Variants in COL19A1 observed in about 807,000 individuals in gnomAD.
COL19A1 encodes collagen type XIX alpha 1 chain.
Under a neutral mutation model 190.2 loss-of-function variants are expected in COL19A1, and 159 were observed. That is an observed-to-expected ratio of 0.84 (90% CI 0.73 to 0.95). The LOEUF (loss-of-function observed/expected upper bound fraction) is 0.95. Among genes scored for constraint, COL19A1 ranks in the 40% least tolerant of loss-of-function variants. COL19A1 has a pLI of 0.00. For missense variants in COL19A1, 1,418 were observed against 1,431.9 expected, an observed-to-expected ratio of 0.99 and a Z score of 0.16; for synonymous variants, 509 against 458.9, an observed-to-expected ratio of 1.11 and a Z score of -1.39.
intron 41 of COL19A1, among the ~76,000 whole-genome samples, chr6:70,175,288 C>A (rs1583090420): frequency 6.6e-6 from 1 of 152,070 alleles, no homozygotes; most frequent in Non-Finnish European, 1.5e-5. Flanking sequence ...GTAAATATAA[C>A]CTTAATGTAG....
At chr6:70,077,604 G>A (rs541517647) in intron 15 of COL19A1, among the ~76,000 whole-genome samples, 36 of 152,146 alleles carry the variant, frequency 2.4e-4, no homozygotes, top group Admixed American at 1.4e-3. Context: ...AGTATACAAC[G>A]TATGTTGTGA....
chr6:70,109,377 A>G (rs1021374562), intron 16 of COL19A1, among the ~76,000 whole-genome samples: 1 of 152,132 alleles, frequency 6.6e-6, no homozygotes, highest in Non-Finnish European at 1.5e-5. Context: ...AGCTTGATGT[A>G]TTCAATAAAC....
rs756979490 is a variant in COL19A1, at chr6:70,055,317, CAA to C, written c.1171-13104_1171-13103del. ...TGGAGGGCAATTTGATACTGTCTGTCAAAGTTTCACTCTAGGCTCATTCATTT... is the reference window on the plus strand; with the variant it reads ...TGGAGGGCAATTTGATACTGTCTGTCAGTTTCACTCTAGGCTCATTCATTT... On this transcript the variant is annotated intron_variant, in intron 14 of 50. Transcript: ENST00000620364. 1.5e-4 allele frequency among the ~76,000 whole-genome samples: 23 copies of C among 151,684 alleles called. No homozygotes were observed. In the East Asian group the frequency reaches 3.7e-3, roughly 24 times the overall value.
At chr6:70,040,668 A>G (rs183140339) in intron 14 of COL19A1, among the ~76,000 whole-genome samples, 54 of 152,322 alleles carry the variant, frequency 3.5e-4, no homozygotes, top group African/African-American at 1.2e-3. Context: ...AAAATACTCC[A>G]ATGTGACTGC....
intron 1 of COL19A1, among the ~76,000 whole-genome samples, chr6:69,877,457 G>C (rs1048350968): frequency 1.3e-5 from 2 of 152,032 alleles, no homozygotes; most frequent in Non-Finnish European, 2.9e-5. Flanking sequence ...TGAGGTAGGC[G>C]TTGCACGTAT....
intron 4 of COL19A1, among the ~76,000 whole-genome samples, chr6:69,924,530 CTT>C (rs1772224316): frequency 6.6e-6 from 1 of 152,144 alleles, no homozygotes; most frequent in Non-Finnish European, 1.5e-5. Context: ...GGTTCCAAGT[CTT>C]TGCTATTGTG....
At chr6:69,921,670 A>G (rs926771913) in intron 4 of COL19A1, among the ~76,000 whole-genome samples, 3 of 147,606 alleles carry the variant, frequency 2.0e-5, no homozygotes, top group Non-Finnish European at 3.0e-5. Flanking sequence ...ATTCGTATGT[A>G]GATTCGTATA....
chr6:70,190,438 C>G, intron 48 of COL19A1, 57 bp downstream of exon 48: 1 of 1,140,346 alleles, frequency 8.8e-7, no homozygotes, highest in Admixed American at 1.9e-5. Flanking sequence ...CTCCCACCTA[C>G]TATGGGGAAT....
At chr6:69,897,288 G>A (rs1209711044) in intron 2 of COL19A1, among the ~76,000 whole-genome samples, 2 of 152,078 alleles carry the variant, frequency 1.3e-5, no homozygotes, top group African/African-American at 2.4e-5. Flanking sequence ...GAGACCATAC[G>A]TTTTGGGTTA....
At chr6:70,190,467 G>A (rs1025941906) in intron 48 of COL19A1, 86 bp downstream of exon 48, 10 of 873,956 alleles carry the variant, frequency 1.1e-5, no homozygotes, top group African/African-American at 1.7e-5. Flanking sequence ...CAACATTCTC[G>A]AAAGATGGCC....
Position 69,900,230 on chromosome 6 carries a change from AT to A in COL19A1, c.167-5del. 6.5e-7 allele frequency: 1 copy of A among 1,528,856 alleles called. No homozygotes were observed. The allele number at this position is 1,528,856 out of a possible 1,614,324, so 94.7% of individuals were successfully genotyped here. On this transcript the variant is annotated splice_region_variant and splice_polypyrimidine_tract_variant and intron_variant, in intron 3 of 50. Transcript: ENST00000620364. Reference sequence around the variant, plus strand: ...TTTATTAAATTGAATCATCTGTTACATTTTACAGGTTTTGATCTAGGAGACA... The same window carrying A: ...TTTATTAAATTGAATCATCTGTTACATTTACAGGTTTTGATCTAGGAGACA...
At chr6:69,920,555 C>G (rs1471219105) in intron 4 of COL19A1, among the ~76,000 whole-genome samples, 1 of 152,096 alleles carries the variant, frequency 6.6e-6, no homozygotes, top group Admixed American at 6.6e-5. Flanking sequence ...AGCAATTTTC[C>G]CTTGACATGC....
chr6:70,171,258 CACCCCTTCCCTAATGCT>C (rs1393306751), intron 40 of COL19A1, among the ~76,000 whole-genome samples: 2 of 152,172 alleles, frequency 1.3e-5, no homozygotes, highest in Admixed American at 1.3e-4. Context: ...AAATATTGAA[CACCCCTTCCCTAATGCT>C]TTTTTTGTTC....
chr6:70,002,489 C>CTT (rs199815178), intron 11 of COL19A1, among the ~76,000 whole-genome samples: 4 of 150,056 alleles, frequency 2.7e-5, no homozygotes, highest in East Asian at 1.9e-4. Context: ...TGGTCCTGGG[C>CTT]TTTTTTTTTG....
At chr6:70,079,189 G>A (rs919711210) in intron 15 of COL19A1, among the ~76,000 whole-genome samples, 12 of 152,228 alleles carry the variant, frequency 7.9e-5, no homozygotes, top group African/African-American at 2.7e-4. Context: ...ACAGGCAAAG[G>A]ACTTAAGTTT....
At chr6:70,056,265 T>C (rs6940306) in intron 14 of COL19A1, among the ~76,000 whole-genome samples, 8,101 of 152,240 alleles carry the variant, frequency 0.053, 695 homozygotes, top group African/African-American at 0.19. Context: ...TGATTGATAG[T>C]TTATCTGAGC....
chr6:70,055,594 C>T (rs1243181747), intron 14 of COL19A1, among the ~76,000 whole-genome samples: 2 of 151,728 alleles, frequency 1.3e-5, no homozygotes, highest in Admixed American at 1.3e-4. Flanking sequence ...CCAACCTGGC[C>T]AACATGGGGA....
At position 69,936,786 on chromosome 6, in the gene COL19A1, G is replaced by A; in HGVS notation, c.749G>A (p.Cys250Tyr). Residue 250 changes from cysteine (C) to tyrosine (Y), a missense_variant and splice_region_variant, in exon 8 of 51, where the codon TGC becomes TAC. Coordinates refer to ENST00000620364, the MANE Select transcript of COL19A1 (RefSeq NM_001858.6). Reference protein sequence around the residue: ...ETCCEISDTKCPEQDGFGNIA... With the variant: ...ETCCEISDTKYPEQDGFGNIA... ...CTAAAGCCTCTTTTTGGATTTTAGT[G>A]CCCAGAGCAGGATGGCTTTGGAAAT... The A allele has an allele frequency of 6.2e-7, 1 of 1,612,594 alleles. No individual in the cohort carries two copies. The highest frequency in any genetic ancestry group is 1.7e-5 in the Admixed American group (1 of 59,932).
chr6:70,077,717 A>G (rs1781962854), intron 15 of COL19A1, among the ~76,000 whole-genome samples: 1 of 152,250 alleles, frequency 6.6e-6, no homozygotes, highest in African/African-American at 2.4e-5. Context: ...GAGAGATGTT[A>G]ACAATGTGTC....
Sources: gnomAD v4.1 joint callset for allele counts (sites outside exome capture counted in the v4.1 genomes callset) on GRCh38, gnomAD v4.1.1 for gene constraint, MANE v1.5 for transcripts, NCBI Gene and HGNC (gene_info 2026-07-23, HGNC 2026-07-21) for gene names.